GRIN2B: variants seen among roughly 807,000 people sequenced by gnomAD.
GRIN2B encodes the protein glutamate ionotropic receptor NMDA type subunit 2B.
GRIN2B carries 5 observed loss-of-function variants against 114.5 expected under a neutral mutation model. That is an observed-to-expected ratio of 0.04 (90% CI 0.02 to 0.09). The LOEUF is 0.09. Ranked by LOEUF, GRIN2B falls within the 10% of genes least tolerant of loss-of-function variation. The pLI, the probability that GRIN2B is intolerant of heterozygous loss-of-function variation, is 1.00. For missense variants in GRIN2B, 1,108 were observed against 1,943.5 expected (o/e 0.57, Z 8.08); for synonymous variants, 787 against 745.1 (o/e 1.06, Z -0.92).
intron 2 of GRIN2B, among the ~76,000 whole-genome samples, chr12:13,869,510 G>A (rs1050748851): frequency 2.0e-5 from 3 of 152,064 alleles, no homozygotes; most frequent in African/African-American, 4.8e-5. Context: ...AGTTCAACCT[G>A]CTGGGTACCA....
At chr12:13,785,564 G>A (rs1373375237) in intron 3 of GRIN2B, among the ~76,000 whole-genome samples, 1 of 152,052 alleles carries the variant, frequency 6.6e-6, no homozygotes, top group African/African-American at 2.4e-5. Flanking sequence ...TCATGTGCTT[G>A]CAATCACTCA....
At chr12:13,859,153 T>C (rs1249302131) in intron 3 of GRIN2B, among the ~76,000 whole-genome samples, 1 of 152,134 alleles carries the variant, frequency 6.6e-6, no homozygotes, top group Non-Finnish European at 1.5e-5. Flanking sequence ...GCTCAGAGAG[T>C]CTGAAGAGTC....
chr12:13,967,510 G>A lies in GRIN2B; in HGVS notation c.-19+12418C>T, dbSNP rs576711231. Among the ~76,000 whole-genome samples, 36 of 152,346 alleles carry A rather than the reference G, an allele frequency of 2.4e-4. No homozygotes were observed. In the East Asian group the frequency reaches 6.2e-3, roughly 26 times the overall value. ...GATAAATTTACATACCTCTATGGATGTTTGAAAGGGTTAAATTGGTCAATT... is the reference window on the plus strand; with the variant it reads ...GATAAATTTACATACCTCTATGGATATTTGAAAGGGTTAAATTGGTCAATT... On this transcript the variant is annotated intron_variant, in intron 2 of 13. Transcript: ENST00000609686.
chr12:13,980,272 G>T lies in GRIN2B; in HGVS notation c.-363C>A, dbSNP rs1052202369. The T allele has an allele frequency of 6.6e-6, 1 of 152,092 alleles. No individual in the cohort carries two copies. Among genetic ancestry groups the T allele is most frequent in the Non-Finnish European group, 1.5e-5 (1 of 68,042 alleles). The allele number at this position is 152,092 out of a possible 1,614,324, so 9.4% of individuals were successfully genotyped here. ...AATTACGGTTTTTGGTTTTTGGAGC[G>T]TTAGTGGAGGAGGCTCTGTGTGGAG... On this transcript the variant is annotated 5_prime_UTR_variant, in exon 2 of 14. Coordinates refer to ENST00000609686, the MANE Select transcript of GRIN2B (RefSeq NM_000834.5).
In GRIN2B at chr12:13,924,575, G is replaced by A. The variant is rs139914577; in HGVS notation, c.-19+55353C>T. ...AAGGGCCATCTAACCTCACCCTCCT[G>A]ACTGCTCTCTCCTGGCCAATGCTAA... On this transcript the variant is annotated intron_variant, in intron 2 of 13. Coordinates refer to ENST00000609686, the MANE Select transcript of GRIN2B (RefSeq NM_000834.5). Among the ~76,000 whole-genome samples the A allele has an allele frequency of 2.4e-3, 365 of 152,258 alleles. 2 individuals are homozygous for A. The highest frequency in any genetic ancestry group is 4.5e-3 in the Admixed American group (69 of 15,300).
Position 13,613,389 on chromosome 12 carries a change from T to C in GRIN2B, c.1655-1539A>G, listed in dbSNP as rs1949390840. 1.3e-5 allele frequency among the ~76,000 whole-genome samples: 2 copies of C among 152,220 alleles called. 1 individual carries two copies. Among genetic ancestry groups the C allele is most frequent in the Admixed American group, 1.3e-4 (2 of 15,278 alleles). ...ATATATATAATCCTTCTAATGGCCCTTTCATTAGGGATTACCTTATCTATT... is the reference window on the plus strand; with the variant it reads ...ATATATATAATCCTTCTAATGGCCCCTTCATTAGGGATTACCTTATCTATT... On this transcript the variant is annotated intron_variant, in intron 8 of 13. Transcript: ENST00000609686.
intron 3 of GRIN2B, among the ~76,000 whole-genome samples, chr12:13,832,571 T>A (rs906210184): frequency 2.0e-5 from 3 of 152,224 alleles, no homozygotes; most frequent in Non-Finnish European, 2.9e-5. Flanking sequence ...TATTTGTTGA[T>A]TATAATTTTA....
intron 4 of GRIN2B, among the ~76,000 whole-genome samples, chr12:13,709,781 T>C (rs1010152463): frequency 2.0e-5 from 3 of 152,048 alleles, no homozygotes; most frequent in African/African-American, 7.2e-5. Flanking sequence ...TCTGATTTCC[T>C]ATATTACATT....
At chr12:13,672,630 G>T (rs1436361179) in intron 5 of GRIN2B, among the ~76,000 whole-genome samples, 1 of 152,124 alleles carries the variant, frequency 6.6e-6, no homozygotes, top group Non-Finnish European at 1.5e-5. Context: ...TTCAAGTTGG[G>T]GAGCTACATG....
At chr12:13,849,582 G>T (rs1865524833) in intron 3 of GRIN2B, among the ~76,000 whole-genome samples, 2 of 152,016 alleles carry the variant, frequency 1.3e-5, no homozygotes, top group South Asian at 4.2e-4. Flanking sequence ...GAAAGGTTCT[G>T]GCAGAGACCC....
At chr12:13,788,491 C>G (rs1037314424) in intron 3 of GRIN2B, among the ~76,000 whole-genome samples, 7 of 152,136 alleles carry the variant, frequency 4.6e-5, no homozygotes, top group African/African-American at 1.7e-4. Flanking sequence ...CCATAGAATG[C>G]TTGCTCACAA....
At chr12:13,843,570 T>C (rs1865423113) in intron 3 of GRIN2B, among the ~76,000 whole-genome samples, 1 of 152,174 alleles carries the variant, frequency 6.6e-6, no homozygotes, top group African/African-American at 2.4e-5. Flanking sequence ...GTAGGTAAGC[T>C]ACTAGAAGAT....
chr12:13,762,618 T>G, intron 3 of GRIN2B, among the ~76,000 whole-genome samples: 1 of 152,238 alleles, frequency 6.6e-6, no homozygotes, highest in Non-Finnish European at 1.5e-5. Flanking sequence ...GATTAAGCTA[T>G]GAGTGCTAGT....
rs1948507296 is a variant in GRIN2B, at chr12:13,559,035, C to A, written c.*3748G>T. 1 of 152,198 alleles carries A rather than the reference C, an allele frequency of 6.6e-6. No individual in the cohort carries two copies. The highest frequency in any genetic ancestry group is 2.4e-5 in the African/African-American group (1 of 41,448). 9.4% of individuals were successfully genotyped at this position (152,198 alleles called of 1,614,324 possible). Reference sequence around the variant, plus strand: ...GAATATTAGGTGCTCCTGAGGGTATCTGCGGAATCTCACAGTTTTGGATGG... The same window carrying A: ...GAATATTAGGTGCTCCTGAGGGTATATGCGGAATCTCACAGTTTTGGATGG... On this transcript the variant is annotated 3_prime_UTR_variant, in exon 14 of 14. Transcript: ENST00000609686.
At chr12:13,808,291 CAG>C (rs1864649667) in intron 3 of GRIN2B, among the ~76,000 whole-genome samples, 1 of 152,092 alleles carries the variant, frequency 6.6e-6, no homozygotes, top group Non-Finnish European at 1.5e-5. Context: ...CTAGTAAGAA[CAG>C]AGTTAAGTAG....
chr12:13,922,941 A>G (rs1056077144), intron 2 of GRIN2B, among the ~76,000 whole-genome samples: 1 of 152,226 alleles, frequency 6.6e-6, no homozygotes, highest in African/African-American at 2.4e-5. Flanking sequence ...AGACTTTTTG[A>G]TACAAAGACA....
Position 13,763,717 on chromosome 12 carries a change from C to G in GRIN2B, c.412-9802G>C, listed in dbSNP as rs1863723966. Among the ~76,000 whole-genome samples the G allele has an allele frequency of 2.0e-5, 3 of 152,224 alleles. No homozygotes were observed. The South Asian group carries it at 6.2e-4, about 32-fold the overall frequency. On this transcript the variant is annotated intron_variant, in intron 3 of 13. Coordinates refer to ENST00000609686, the MANE Select transcript of GRIN2B (RefSeq NM_000834.5). ...AAATAGGGACTCAGAGCTTGCTGACCTCCACCCTGTGGCAGGCAACCCCAT... is the reference window on the plus strand; with the variant it reads ...AAATAGGGACTCAGAGCTTGCTGACGTCCACCCTGTGGCAGGCAACCCCAT...
chr12:13,918,849 A>C (rs1866774800), intron 2 of GRIN2B, among the ~76,000 whole-genome samples: 1 of 152,178 alleles, frequency 6.6e-6, no homozygotes, highest in African/African-American at 2.4e-5. Flanking sequence ...CCCTTCTGTG[A>C]TGTCTTTTTG....
At chr12:13,901,606 T>C (rs1866454275) in intron 2 of GRIN2B, among the ~76,000 whole-genome samples, 1 of 152,082 alleles carries the variant, frequency 6.6e-6, no homozygotes, top group Non-Finnish European at 1.5e-5. Context: ...CTGGCTACCG[T>C]CTTAGACAGT....
Sources: gnomAD v4.1 joint callset for allele counts (sites outside exome capture counted in the v4.1 genomes callset) on GRCh38, gnomAD v4.1.1 for gene constraint, MANE v1.5 for transcripts, NCBI Gene and HGNC (gene_info 2026-07-23, HGNC 2026-07-21) for gene names.